MCM8: variants seen among roughly 807,000 people sequenced by gnomAD.
MCM8 encodes the protein DNA helicase MCM8.
In MCM8, 85 loss-of-function variants were observed where a neutral mutation model predicts 98.9. The observed-to-expected ratio is 0.86, with a 90% CI of 0.72 to 1.03. MCM8 has a LOEUF of 1.03. Among genes scored for constraint, MCM8 ranks in the 50% least tolerant of loss-of-function variants. MCM8 has a pLI of 0.00. For missense variants in MCM8, 951 were observed against 997.8 expected, an observed-to-expected ratio of 0.95 and a Z score of 0.63; for synonymous variants, 352 against 338.6, an observed-to-expected ratio of 1.04 and a Z score of -0.44.
chr20:5,963,397 G>A, intron 8 of MCM8, 38 bp downstream of exon 8: 1 of 1,457,234 alleles, frequency 6.9e-7, no homozygotes, highest in Non-Finnish European at 9.6e-7. Context: ...GCAGGCTTTA[G>A]ATGTCACACT....
At chr20:5,976,624 A>AGG (rs764282708) in intron 12 of MCM8, among the ~76,000 whole-genome samples, 124 of 152,336 alleles carry the variant, frequency 8.1e-4, no homozygotes, top group Non-Finnish European at 1.8e-4. Flanking sequence ...AGATAAATGT[A>AGG]GGGGTTTTGG....
At position 5,967,965 on chromosome 20, in the gene MCM8, A is replaced by G. The variant is rs1951327812; in HGVS notation, c.1163A>G (p.Lys388Arg). 1 of 1,613,998 alleles carries G rather than the reference A, an allele frequency of 6.2e-7. No individual in the cohort carries two copies. Among genetic ancestry groups the G allele is most frequent in the Non-Finnish European group, 8.5e-7 (1 of 1,180,020 alleles). The change falls in exon 10 of 19, where the codon AAA (lysine) becomes AGA (arginine). Residue 388 changes from lysine (K) to arginine (R), a missense_variant. By Grantham distance (26) the Lys-to-Arg change is conservative. Coordinates refer to ENST00000610722, the MANE Select transcript of MCM8 (RefSeq NM_032485.6). ...GGAATGTTGATGGAGTTCTCACTTA[A>G]AGACCTTTATGCCATCCAAGAGATT... ...KHGMLMEFSL[K>R]DLYAIQEIQA...
chr20:5,973,260 G>A, intron 12 of MCM8, 64 bp downstream of exon 12: 1 of 1,594,848 alleles, frequency 6.3e-7, no homozygotes, highest in African/African-American at 1.3e-5. Flanking sequence ...ATTCACAAGT[G>A]AATTTTCTCA....
chr20:5,998,297 C>G lies in MCM8; in HGVS notation c.*3906C>G, dbSNP rs148479623. 1.3e-5 allele frequency: 2 copies of G among 152,282 alleles called. No individual in the cohort carries two copies. The highest frequency in any genetic ancestry group is 3.9e-4 in the East Asian group (2 of 5,174). 9.4% of individuals were successfully genotyped at this position (152,282 alleles called of 1,614,324 possible). On this transcript the variant is annotated 3_prime_UTR_variant, in exon 19 of 19. Transcript: ENST00000610722. Reference sequence around the variant, plus strand: ...TGAGAAAATAACCACATTTCCCAGACTCCCTTTGCAGGTAGATTTCCAGAT... The same window carrying G: ...TGAGAAAATAACCACATTTCCCAGAGTCCCTTTGCAGGTAGATTTCCAGAT...
intron 12 of MCM8, among the ~76,000 whole-genome samples, chr20:5,975,424 A>T (rs1226479053): frequency 6.6e-6 from 1 of 151,654 alleles, no homozygotes; most frequent in East Asian, 1.9e-4. Flanking sequence ...TTTAACCCCT[A>T]GAGTGTCTTA....
intron 3 of MCM8, 129 bp downstream of exon 3, chr20:5,952,657 A>T (rs1204011746): frequency 8.0e-6 from 6 of 751,588 alleles, no homozygotes; most frequent in Non-Finnish European, 1.3e-5. Flanking sequence ...TCACCCAAAC[A>T]ATTAAATGAT....
chr20:5,982,175 T>G (rs372822104), intron 13 of MCM8, among the ~76,000 whole-genome samples: 2 of 152,154 alleles, frequency 1.3e-5, no homozygotes, highest in East Asian at 3.9e-4. Flanking sequence ...TCTCTAACAT[T>G]AGTTTACAAT....
chr20:5,951,862 G>A (rs1353666795), intron 1 of MCM8, 149 bp from the exon 2 acceptor site: 4 of 794,366 alleles, frequency 5.0e-6, no homozygotes, highest in Non-Finnish European at 5.7e-6. Context: ...GAATATTTGG[G>A]TCTTGTATCA....
At chr20:5,952,352 C>T in intron 2 of MCM8, 72 bp from the exon 3 acceptor site, 2 of 1,579,728 alleles carry the variant, frequency 1.3e-6, no homozygotes, top group Non-Finnish European at 1.7e-6. Context: ...ATGAGAGTCT[C>T]ATTTGGAAAG....
At chr20:5,986,359 T>A (rs1009599415) in intron 16 of MCM8, among the ~76,000 whole-genome samples, 14 of 148,174 alleles carry the variant, frequency 9.4e-5, no homozygotes, top group African/African-American at 3.7e-4. Flanking sequence ...ATGCAACTTT[T>A]CTTTTGTTTT....
intron 12 of MCM8, among the ~76,000 whole-genome samples, chr20:5,973,440 A>C (rs2089446136): frequency 6.6e-6 from 1 of 152,234 alleles, no homozygotes; most frequent in Non-Finnish European, 1.5e-5. Context: ...CTATTAGGAA[A>C]TATTAACCAT....
intron 15 of MCM8, 140 bp from the exon 16 acceptor site, chr20:5,985,782 G>T (rs1285889598): frequency 5.5e-6 from 4 of 727,452 alleles, no homozygotes; most frequent in Non-Finnish European, 2.3e-6. Context: ...CTGACCTCAG[G>T]TGATGTGTCC....
chr20:5,979,679 C>T (rs2089591416), intron 13 of MCM8, among the ~76,000 whole-genome samples: 1 of 152,174 alleles, frequency 6.6e-6, no homozygotes, highest in African/African-American at 2.4e-5. Context: ...CTAACCACTT[C>T]TTCATTACCC....
intron 10 of MCM8, among the ~76,000 whole-genome samples, chr20:5,968,624 G>A (rs1045912034): frequency 6.6e-6 from 1 of 152,192 alleles, no homozygotes; most frequent in African/African-American, 2.4e-5. Flanking sequence ...ATTTACATAA[G>A]TGTGCTGCTT....
In MCM8 at chr20:5,996,226, A is replaced by G; in HGVS notation, c.*1835A>G. 6.6e-6 allele frequency: 1 copy of G among 152,306 alleles called. No homozygotes were observed. Among genetic ancestry groups the G allele is most frequent in the South Asian group, 2.0e-4 (1 of 5,054 alleles). 9.4% of individuals were successfully genotyped at this position (152,306 alleles called of 1,614,324 possible). A position where few individuals can be genotyped will look rare whatever the true frequency, so the allele number is the denominator to read the frequency against. The stretch of plus-strand genomic sequence containing the variant: ...GAGTTTGAGGTTACAGTGAGCTATG[A>G]TTATACCACTGCACTCCAGCCTGGG... On this transcript the variant is annotated 3_prime_UTR_variant, in exon 19 of 19. Transcript: ENST00000610722.
rs11546315 is a variant in MCM8 at position 5,994,482 on chromosome 20, C to G, written c.*91C>G. 369 of 314,858 alleles carry G rather than the reference C, an allele frequency of 1.2e-3. No homozygotes were observed. The highest frequency in any genetic ancestry group is 4.7e-3 in the East Asian group (56 of 12,030). The allele number at this position is 314,858 out of a possible 1,614,324, so 19.5% of individuals were successfully genotyped here. On this transcript the variant is annotated 3_prime_UTR_variant, in exon 19 of 19. Transcript: ENST00000610722. Reference sequence around the variant, plus strand: ...GCGTGCACGCACAGACAGACAGACACACACACACACACACACACACACACA... The same window carrying G: ...GCGTGCACGCACAGACAGACAGACAGACACACACACACACACACACACACA...
intron 17 of MCM8, among the ~76,000 whole-genome samples, chr20:5,988,584 C>A (rs2089780451): frequency 6.6e-6 from 1 of 152,070 alleles, no homozygotes. Flanking sequence ...TCTATATATT[C>A]TTTTTTCCCC....
chr20:5,957,653 C>G (rs1011285318), intron 6 of MCM8, among the ~76,000 whole-genome samples: 4 of 152,144 alleles, frequency 2.6e-5, no homozygotes, highest in African/African-American at 7.2e-5. Flanking sequence ...TAGAGATACT[C>G]AACTAGTAAT....
intron 14 of MCM8, 81 bp downstream of exon 14, chr20:5,983,246 A>G (rs6117027): frequency 0.034 from 41,672 of 1,208,460 alleles, 919 homozygotes; most frequent in Non-Finnish European, 0.042. Flanking sequence ...TCACAGAACT[A>G]CAGGGGAAAA....
Sources: gnomAD v4.1 joint callset for allele counts (sites outside exome capture counted in the v4.1 genomes callset) on GRCh38, gnomAD v4.1.1 for gene constraint, MANE v1.5 for transcripts, NCBI Gene and HGNC (gene_info 2026-07-23, HGNC 2026-07-21) for gene names.